The following ZNF385D variants were observed in gnomAD, a reference collection of about 807,000 sequenced individuals.
ZNF385D encodes zinc finger protein 385D.
In ZNF385D, 15 loss-of-function variants were observed where a neutral mutation model predicts 35.8. The ratio of observed to expected loss-of-function variants is 0.42; its 90% CI spans 0.28 to 0.64. ZNF385D has a LOEUF of 0.64. Among genes scored for constraint, ZNF385D ranks in the 30% least tolerant of loss-of-function variants. ZNF385D has a pLI of 0.23. For missense variants in ZNF385D, 474 were observed against 494.6 expected, an observed-to-expected ratio of 0.96 and a Z score of 0.39; for synonymous variants, 212 against 186.8, an observed-to-expected ratio of 1.13 and a Z score of -1.10.
At position 21,520,404 on chromosome 3, in the gene ZNF385D, T is replaced by C. The variant is rs1437499438; in HGVS notation, c.277-9381A>G. 5.3e-5 allele frequency among the ~76,000 whole-genome samples: 8 copies of C among 152,334 alleles called. No homozygotes were observed. The East Asian group carries it at 1.2e-3, about 22-fold the overall frequency. The stretch of plus-strand genomic sequence containing the variant: ...AAATTCATGTTGAATTAATTTCACA[T>C]TTTGATTTTAAAATGGAAATATGCA... On this transcript the variant is annotated intron_variant, in intron 3 of 7. Coordinates refer to ENST00000281523, the MANE Select transcript of ZNF385D (RefSeq NM_024697.3).
intron 3 of ZNF385D, among the ~76,000 whole-genome samples, chr3:21,804,046 A>G (rs2072525350): frequency 6.6e-6 from 1 of 152,208 alleles, no homozygotes; most frequent in South Asian, 2.1e-4. Context: ...TCCAAAACCA[A>G]AGTTAAAGGA....
chr3:21,839,968 G>A (rs1268210131), intron 3 of ZNF385D, among the ~76,000 whole-genome samples: 1 of 152,040 alleles, frequency 6.6e-6, no homozygotes, highest in African/African-American at 2.4e-5. Flanking sequence ...TAAACATGTT[G>A]TTTGATGCTT....
At chr3:22,253,391 T>C (rs903554466) in intron 2 of ZNF385D, among the ~76,000 whole-genome samples, 1 of 152,052 alleles carries the variant, frequency 6.6e-6, no homozygotes, top group Non-Finnish European at 1.5e-5. Flanking sequence ...CAAGTTCAGT[T>C]TGCAGGTTTT....
Position 22,155,376 on chromosome 3 carries a change from T to C in ZNF385D, c.325+13441A>G, listed in dbSNP as rs542703268. Among the ~76,000 whole-genome samples, 17 of 152,210 alleles carry C rather than the reference T, an allele frequency of 1.1e-4. No individual in the cohort carries two copies. The East Asian group carries it at 3.3e-3, about 29-fold the overall frequency. ...TGCTTGTATTAGTGAGAATATTATA[T>C]ACTCTTAAGATTTTTTTCTGGAACT... On this transcript the variant is annotated intron_variant, in intron 3 of 5. Transcript: ENST00000494108.
At chr3:22,042,015 T>G (rs1698693633) in intron 3 of ZNF385D, among the ~76,000 whole-genome samples, 1 of 152,168 alleles carries the variant, frequency 6.6e-6, no homozygotes, top group Admixed American at 6.6e-5. Context: ...GTTGGAAATG[T>G]GTTTTAATAG....
intron 3 of ZNF385D, among the ~76,000 whole-genome samples, chr3:21,522,660 A>G (rs537314341): frequency 2.2e-4 from 33 of 152,280 alleles, no homozygotes; most frequent in African/African-American, 7.9e-4. Flanking sequence ...CCAAAATTGC[A>G]GAACGAAGTG....
rs565954369 is a variant in ZNF385D, at chr3:21,770,739, G to GT, written c.326-105712dup. Among the ~76,000 whole-genome samples the GT allele has an allele frequency of 2.2e-3, 330 of 152,232 alleles. 1 individual carries two copies. The highest frequency in any genetic ancestry group is 7.6e-3 in the African/African-American group (317 of 41,542). On this transcript the variant is annotated intron_variant, in intron 3 of 5. Transcript: ENST00000494108. Reference sequence around the variant, plus strand: ...TTTGACCCAGCCATCCCATTACTGGGTATATTCCCAAATGATTATAAATCA... The same window carrying GT: ...TTTGACCCAGCCATCCCATTACTGGGTTATATTCCCAAATGATTATAAATCA...
intron 3 of ZNF385D, among the ~76,000 whole-genome samples, chr3:22,047,742 A>G (rs993106562): frequency 1.3e-5 from 2 of 152,068 alleles, no homozygotes; most frequent in Non-Finnish European, 2.9e-5. Flanking sequence ...TACTGATTTT[A>G]TACTCTTTAG....
intron 2 of ZNF385D, among the ~76,000 whole-genome samples, chr3:22,286,375 T>G (rs1440313199): frequency 6.6e-6 from 1 of 152,100 alleles, no homozygotes; most frequent in East Asian, 1.9e-4. Flanking sequence ...ATATTTTATA[T>G]TGTTTTCCTA....
At chr3:21,511,233 T>C (rs1342446392) in intron 3 of ZNF385D, among the ~76,000 whole-genome samples, 1 of 152,156 alleles carries the variant, frequency 6.6e-6, no homozygotes, top group Admixed American at 6.5e-5. Flanking sequence ...AGAAATACTC[T>C]GTTGTTTATC....
chr3:21,768,412 G>C (rs1205223849), intron 3 of ZNF385D, among the ~76,000 whole-genome samples: 1 of 151,988 alleles, frequency 6.6e-6, no homozygotes, highest in African/African-American at 2.4e-5. Context: ...TCCCCACCTA[G>C]ACAACAATCA....
At chr3:21,910,280 A>G (rs1425998278) in intron 3 of ZNF385D, among the ~76,000 whole-genome samples, 1 of 151,946 alleles carries the variant, frequency 6.6e-6, no homozygotes, top group Non-Finnish European at 1.5e-5. Context: ...TGTGTTCATT[A>G]TATAGGTTGC....
intron 2 of ZNF385D, among the ~76,000 whole-genome samples, chr3:22,242,535 A>G (rs1332505240): frequency 6.6e-6 from 1 of 150,990 alleles, no homozygotes; most frequent in African/African-American, 2.5e-5. Flanking sequence ...AAAAAACTCA[A>G]AACAACGGAT....
chr3:21,910,930 T>C (rs1265799410), intron 3 of ZNF385D, among the ~76,000 whole-genome samples: 1 of 151,948 alleles, frequency 6.6e-6, no homozygotes, highest in East Asian at 1.9e-4. Flanking sequence ...TTAGTTGAAG[T>C]ACAAAATAAA....
chr3:21,546,223 C>T (rs1197438277), intron 3 of ZNF385D, among the ~76,000 whole-genome samples: 1 of 152,096 alleles, frequency 6.6e-6, no homozygotes, highest in East Asian at 1.9e-4. Context: ...GTGACCCTAC[C>T]AGCAATCTCT....
intron 1 of ZNF385D, among the ~76,000 whole-genome samples, chr3:21,679,326 ATTTT>A (rs930116899): frequency 6.6e-6 from 1 of 151,976 alleles, no homozygotes; most frequent in Admixed American, 6.6e-5. Flanking sequence ...ATTTTATTAA[ATTTT>A]TATTTTATTA....
intron 3 of ZNF385D, among the ~76,000 whole-genome samples, chr3:21,897,040 T>C (rs187290335): frequency 1.5e-4 from 23 of 152,250 alleles, no homozygotes; most frequent in African/African-American, 2.4e-4. Context: ...AGTCATGAAA[T>C]AGCTACTGCT....
chr3:21,598,397 A>G (rs1223665716), intron 2 of ZNF385D, among the ~76,000 whole-genome samples: 1 of 152,244 alleles, frequency 6.6e-6, no homozygotes, highest in African/African-American at 2.4e-5. Flanking sequence ...ACATAGAAGC[A>G]TTTTAAAACT....
intron 3 of ZNF385D, among the ~76,000 whole-genome samples, chr3:21,889,366 T>C (rs972163380): frequency 6.6e-6 from 1 of 152,034 alleles, no homozygotes; most frequent in Non-Finnish European, 1.5e-5. Flanking sequence ...CGACCTAGCC[T>C]GAATTAGCAC....
Sources: allele counts gnomAD v4.1 joint callset (sites outside exome capture counted in the v4.1 genomes callset), GRCh38; gene constraint gnomAD v4.1.1; transcripts MANE v1.5; gene names NCBI Gene and HGNC (gene_info 2026-07-23, HGNC 2026-07-21).